RALGAPA1: variants seen among roughly 807,000 people sequenced by gnomAD.
RALGAPA1 encodes Ral GTPase activating protein catalytic subunit alpha 1, also known as ral GTPase-activating protein subunit alpha-1.
A neutral mutation model predicts 269.6 loss-of-function variants in RALGAPA1; 52 were observed. The observed-to-expected ratio is 0.19, with a 90% CI of 0.15 to 0.24. The LOEUF is 0.24. Ranked by LOEUF, RALGAPA1 falls within the 10% of genes least tolerant of loss-of-function variation. The pLI is 1.00. For missense variants in RALGAPA1, 1,917 were observed against 3,013.9 expected (o/e 0.64, Z 8.52); for synonymous variants, 817 against 1,008.3 (o/e 0.81, Z 3.60).
chr14:35,583,620 C>T (rs1488631665), intron 37 of RALGAPA1, among the ~76,000 whole-genome samples: 1 of 152,078 alleles, frequency 6.6e-6, no homozygotes, highest in East Asian at 1.9e-4. Flanking sequence ...GAACACCACG[C>T]AGGGTAAATG....
chr14:35,705,046 G>A (rs2067681887), intron 16 of RALGAPA1, among the ~76,000 whole-genome samples: 1 of 152,008 alleles, frequency 6.6e-6, no homozygotes, highest in Non-Finnish European at 1.5e-5. Flanking sequence ...GATAAAAAAT[G>A]AGTGTCAACT....
At chr14:35,633,240 G>A (rs929188186) in intron 33 of RALGAPA1, among the ~76,000 whole-genome samples, 1 of 151,928 alleles carries the variant, frequency 6.6e-6, no homozygotes, top group South Asian at 2.1e-4. Flanking sequence ...AATGTGCAAA[G>A]GTCAACTATT....
chr14:35,802,299 C>T (rs1262324006), intron 1 of RALGAPA1, among the ~76,000 whole-genome samples: 2 of 152,116 alleles, frequency 1.3e-5, no homozygotes, highest in African/African-American at 2.4e-5. Flanking sequence ...CAGAGTGAGA[C>T]TCTGTCTCAA....
At position 35,651,948 on chromosome 14, in the gene RALGAPA1, A is replaced by G. The variant is rs1023494221; in HGVS notation, c.5608-75T>C. On this transcript the variant is annotated intron_variant, in intron 30 of 41. Coordinates refer to ENST00000680220, the MANE Select transcript of RALGAPA1 (RefSeq NM_001346249.2). Reference sequence around the variant, plus strand: ...TGGTACATCCTAAAACTTGATTGTTAAATGCTGAAGTGATACAAAACCTAC... The same window carrying G: ...TGGTACATCCTAAAACTTGATTGTTGAATGCTGAAGTGATACAAAACCTAC... 1.8e-5 allele frequency: 23 copies of G among 1,279,434 alleles called. No individual in the cohort carries two copies. In the Admixed American group the frequency reaches 3.2e-4, roughly 18 times the overall value. The allele number at this position is 1,279,434 out of a possible 1,614,324, so 79.3% of individuals were successfully genotyped here. A position where few individuals can be genotyped will look rare whatever the true frequency, so the allele number is the denominator to read the frequency against.
At chr14:35,686,143 A>G (rs1028400538) in intron 19 of RALGAPA1, among the ~76,000 whole-genome samples, 4 of 150,466 alleles carry the variant, frequency 2.7e-5, no homozygotes, top group African/African-American at 7.3e-5. Context: ...TATATATTAG[A>G]TTATATTTAT....
chr14:35,551,210 A>T (rs2054974120), intron 39 of RALGAPA1, among the ~76,000 whole-genome samples: 1 of 152,182 alleles, frequency 6.6e-6, no homozygotes, highest in Non-Finnish European at 1.5e-5. Context: ...GCTTTTCATT[A>T]TGCCTGATGC....
intron 6 of RALGAPA1, 64 bp from the exon 7 acceptor site, chr14:35,756,972 C>A: frequency 7.4e-7 from 1 of 1,350,524 alleles, no homozygotes; most frequent in Non-Finnish European, 9.7e-7. Context: ...ATAATATAAC[C>A]AAATAAACTT....
chr14:35,616,464 T>G (rs1403116168), intron 35 of RALGAPA1, among the ~76,000 whole-genome samples: 1 of 152,164 alleles, frequency 6.6e-6, no homozygotes, highest in Non-Finnish European at 1.5e-5. Context: ...GGATTTAATA[T>G]ACAATAGATT....
At chr14:35,789,756 T>G (rs564966417) in intron 1 of RALGAPA1, among the ~76,000 whole-genome samples, 1 of 152,156 alleles carries the variant, frequency 6.6e-6, no homozygotes, top group Non-Finnish European at 1.5e-5. Flanking sequence ...AAAAGAGATC[T>G]GGAGGACAGA....
chr14:35,655,663 G>A, intron 29 of RALGAPA1, 144 bp downstream of exon 29: 1 of 1,217,790 alleles, frequency 8.2e-7, no homozygotes, highest in Non-Finnish European at 1.1e-6. Context: ...AATTTTTAAG[G>A]AATGAGTCAG....
At position 35,662,140 on chromosome 14, in the gene RALGAPA1, A is replaced by G. The variant is rs537386727; in HGVS notation, c.5328+2502T>C. Among the ~76,000 whole-genome samples the G allele has an allele frequency of 5.9e-5, 9 of 152,342 alleles. No individual in the cohort carries two copies. The South Asian group carries it at 1.7e-3, about 28-fold the overall frequency. On this transcript the variant is annotated intron_variant, in intron 27 of 41. Coordinates refer to ENST00000680220, the MANE Select transcript of RALGAPA1 (RefSeq NM_001346249.2). Reference sequence around the variant, plus strand: ...GGTGATATGTACAAAGTTCTGTGTGAGCAAACAGCTCATCTGAGAAGTCAT... The same window carrying G: ...GGTGATATGTACAAAGTTCTGTGTGGGCAAACAGCTCATCTGAGAAGTCAT...
At chr14:35,732,516 A>T (rs8021444) in intron 12 of RALGAPA1, among the ~76,000 whole-genome samples, 1 of 151,940 alleles carries the variant, frequency 6.6e-6, no homozygotes, top group African/African-American at 2.4e-5. Context: ...AGGAGACTCA[A>T]CAAACACAGA....
chr14:35,808,690 G>A (rs2077549873), intron 1 of RALGAPA1, 40 bp downstream of exon 1: 2 of 1,581,810 alleles, frequency 1.3e-6, no homozygotes, highest in African/African-American at 1.3e-5. Context: ...GGGAAGGCCG[G>A]GCAACCCAGG....
chr14:35,567,363 C>A (rs1224835605), intron 39 of RALGAPA1, among the ~76,000 whole-genome samples: 1 of 152,016 alleles, frequency 6.6e-6, no homozygotes. Context: ...TGACTGTAAT[C>A]TTTACACATA....
At chr14:35,777,034 G>C (rs570315031) in intron 1 of RALGAPA1, among the ~76,000 whole-genome samples, 30 of 152,230 alleles carry the variant, frequency 2.0e-4, no homozygotes, top group Admixed American at 1.8e-3. Flanking sequence ...GTCTCAATCA[G>C]TGCTGTCTCC....
chr14:35,563,058 C>T (rs1304684196), intron 39 of RALGAPA1, among the ~76,000 whole-genome samples: 3 of 127,974 alleles, frequency 2.3e-5, no homozygotes, highest in Non-Finnish European at 4.8e-5. Flanking sequence ...AGAATCCATG[C>T]TAAATCTAAA....
chr14:35,655,279 T>C (rs2063105379), intron 29 of RALGAPA1, among the ~76,000 whole-genome samples: 1 of 152,254 alleles, frequency 6.6e-6, no homozygotes, highest in Non-Finnish European at 1.5e-5. Flanking sequence ...TTTACAAGTC[T>C]TAAAACAACA....
At chr14:35,760,751 C>T (rs2073627423) in intron 6 of RALGAPA1, 78 bp downstream of exon 6, 3 of 1,045,880 alleles carry the variant, frequency 2.9e-6, no homozygotes, top group Middle Eastern at 3.3e-4. Flanking sequence ...AATGAATGCA[C>T]AGACATTTGA....
intron 36 of RALGAPA1, among the ~76,000 whole-genome samples, chr14:35,602,731 C>G (rs1258912788): frequency 1.3e-5 from 2 of 152,058 alleles, no homozygotes; most frequent in African/African-American, 4.8e-5. Flanking sequence ...CACCTTGAAG[C>G]ACAAAAATTT....
Sources: allele counts gnomAD v4.1 joint callset (sites outside exome capture counted in the v4.1 genomes callset), GRCh38; gene constraint gnomAD v4.1.1; transcripts MANE v1.5; gene names NCBI Gene and HGNC (gene_info 2026-07-23, HGNC 2026-07-21).